The following DNM2 variants were observed in gnomAD, a reference collection of about 807,000 sequenced individuals.
DNM2 encodes the protein dynamin-2.
DNM2 carries 15 observed loss-of-function variants against 99.0 expected under a neutral mutation model. The observed-to-expected ratio is 0.15, with a 90% CI of 0.10 to 0.23. DNM2 has a LOEUF of 0.23. Ranked by LOEUF, DNM2 falls within the 10% of genes least tolerant of loss-of-function variation. DNM2 has a pLI of 1.00. For synonymous variants in DNM2, 525 were observed against 481.2 expected (o/e 1.09, Z -1.19); for missense variants, 742 against 1,189.4 (o/e 0.62, Z 5.53).
chr19:10,816,876 G>A lies in DNM2; in HGVS notation c.1672-3104G>A, dbSNP rs1184573627. On this transcript the variant is annotated intron_variant, in intron 15 of 20. Coordinates refer to ENST00000389253, the MANE Select transcript of DNM2 (RefSeq NM_001005361.3). The surrounding 1 kb of genome is among the most constrained non-coding windows in gnomAD (Gnocchi z 4.6). ...CCCTTCGTGTTTTTCTCATCTGAGAGTTGAAAGCCAGAGCCCCCGACCCTC... is the reference window on the plus strand; with the variant it reads ...CCCTTCGTGTTTTTCTCATCTGAGAATTGAAAGCCAGAGCCCCCGACCCTC... Among the ~76,000 whole-genome samples, 1 of 152,222 alleles carries A rather than the reference G, an allele frequency of 6.6e-6. No homozygotes were observed. Among genetic ancestry groups the A allele is most frequent in the Non-Finnish European group, 1.5e-5 (1 of 68,040 alleles).
intron 12 of DNM2, chr19:10,802,584 G>A (rs2072191691): frequency 1.6e-6 from 1 of 622,488 alleles, no homozygotes; most frequent in Non-Finnish European, 2.9e-6. Context: ...CCCATGGTTA[G>A]TTTAGGGAGA....
At position 10,820,530 on chromosome 19, in the gene DNM2, G is replaced by A. The variant is rs1028309171; in HGVS notation, c.1781+441G>A. ...CAGATTCTGGGTAGAAGAGTCAGGCGGAGCCCTGGTGGGCATGGATATGAG... is the reference window on the plus strand; with the variant it reads ...CAGATTCTGGGTAGAAGAGTCAGGCAGAGCCCTGGTGGGCATGGATATGAG... On this transcript the variant is annotated intron_variant, in intron 16 of 20. Coordinates refer to ENST00000389253, the MANE Select transcript of DNM2 (RefSeq NM_001005361.3). This position sits in a 1 kb window ranked among gnomAD's most constrained non-coding sequence, Gnocchi z 4.3. Among the ~76,000 whole-genome samples the A allele has an allele frequency of 6.6e-5, 10 of 152,218 alleles. 1 individual carries two copies. Among genetic ancestry groups the A allele is most frequent in the Admixed American group, 2.0e-4 (3 of 15,282 alleles).
chr19:10,830,041 C>A lies in DNM2; in HGVS notation c.2292-86C>A, dbSNP rs1014816962. The A allele has an allele frequency of 4.4e-6, 7 of 1,584,576 alleles. No individual in the cohort carries two copies. The highest frequency in any genetic ancestry group is 1.7e-5 in the Admixed American group (1 of 59,948). The stretch of plus-strand genomic sequence containing the variant: ...CTGCGCTGTCCCCATAGCCAGCCCC[C>A]ACCTCAGGTTCTGGCAGCCACAGTG... On this transcript the variant is annotated intron_variant, in intron 19 of 20. Transcript: ENST00000389253. The surrounding 1 kb of genome is among the most constrained non-coding windows in gnomAD (Gnocchi z 4.8).
At chr19:10,734,638 C>CAAAAA (rs61458566) in intron 1 of DNM2, among the ~76,000 whole-genome samples, 3 of 58,514 alleles carry the variant, frequency 5.1e-5, no homozygotes, top group Non-Finnish European at 8.8e-5. Flanking sequence ...GACCCTGTCT[C>CAAAAA]AAAAAAAAAA....
rs1459334651 is a variant in DNM2 at position 10,810,374 on chromosome 19, A to C, written c.1557+1794A>C. The C allele has an allele frequency of 5.9e-5, 9 of 152,426 alleles. No individual in the cohort carries two copies. In the East Asian group the frequency reaches 1.2e-3, roughly 20 times the overall value. 9.4% of individuals were successfully genotyped at this position (152,426 alleles called of 1,614,324 possible). On this transcript the variant is annotated intron_variant, in intron 14 of 20. Transcript: ENST00000389253. ...TGGCTGCTCCCTTTCTCTGGCTCAC[A>C]AGTGGTGGATGGCTAACGGGCCTTT...
intron 1 of DNM2, among the ~76,000 whole-genome samples, chr19:10,742,622 C>T (rs2069795334): frequency 6.6e-6 from 1 of 152,316 alleles, no homozygotes; most frequent in African/African-American, 2.4e-5. Flanking sequence ...TGAGCCTGGC[C>T]TTCCTGTCTC....
Position 10,830,460 on chromosome 19 carries a change from C to G in DNM2, c.2543+82C>G. Reference sequence around the variant, plus strand: ...CTGTCTCACTTCCTCCCAGTGAGCTCTCACTACGTGCCCAGCTGCTGGAGT... The same window carrying G: ...CTGTCTCACTTCCTCCCAGTGAGCTGTCACTACGTGCCCAGCTGCTGGAGT... On this transcript the variant is annotated intron_variant, in intron 20 of 20. Transcript: ENST00000389253. The surrounding 1 kb of genome is among the most constrained non-coding windows in gnomAD (Gnocchi z 4.8). 1.4e-6 allele frequency: 2 copies of G among 1,463,076 alleles called. No individual in the cohort carries two copies. The highest frequency in any genetic ancestry group is 1.2e-5 in the South Asian group (1 of 84,456). The allele number at this position is 1,463,076 out of a possible 1,614,324, so 90.6% of individuals were successfully genotyped here.
chr19:10,825,229 G>A lies in DNM2; in HGVS notation c.2058+8G>A, dbSNP rs954362141. ...CACCTCATGATCAACAATGTGAGTG[G>A]AGAACTAAAAATGAGAAGGAGGTAG... On this transcript the variant is annotated splice_region_variant and intron_variant, in intron 18 of 20. Coordinates refer to ENST00000389253, the MANE Select transcript of DNM2 (RefSeq NM_001005361.3). 6.2e-6 allele frequency: 10 copies of A among 1,613,832 alleles called. No individual in the cohort carries two copies. The highest frequency in any genetic ancestry group is 8.5e-6 in the Non-Finnish European group (10 of 1,179,824).
intron 6 of DNM2, among the ~76,000 whole-genome samples, chr19:10,785,120 G>A (rs2071514218): frequency 1.3e-5 from 2 of 150,376 alleles, no homozygotes; most frequent in African/African-American, 4.9e-5. Context: ...ACCCATCCCG[G>A]CCTTCCCCTC....
chr19:10,779,133 T>G (rs1336144806), intron 5 of DNM2, among the ~76,000 whole-genome samples: 1 of 151,036 alleles, frequency 6.6e-6, no homozygotes, highest in East Asian at 1.9e-4. Flanking sequence ...GAGAATCGCT[T>G]GAACCCAGGA....
At chr19:10,721,663 C>A (rs2068945824) in intron 1 of DNM2, among the ~76,000 whole-genome samples, 1 of 152,098 alleles carries the variant, frequency 6.6e-6, no homozygotes, top group African/African-American at 2.4e-5. Flanking sequence ...CCTGCCTCTG[C>A]CTCTAAAAGC....
chr19:10,760,543 A>G (rs2070585944), intron 2 of DNM2, among the ~76,000 whole-genome samples: 1 of 152,070 alleles, frequency 6.6e-6, no homozygotes, highest in Non-Finnish European at 1.5e-5. Flanking sequence ...TCTACTCAGC[A>G]TGTCGCCAGT....
intron 2 of DNM2, among the ~76,000 whole-genome samples, chr19:10,762,311 TACAGGCGTGAGCC>T (rs536841744): frequency 6.6e-6 from 1 of 152,276 alleles, no homozygotes; most frequent in African/African-American, 2.4e-5. Context: ...GTGCTGGGAT[TACAGGCGTGAGCC>T]ACTGGGCCCG....
intron 18 of DNM2, among the ~76,000 whole-genome samples, chr19:10,826,093 C>T (rs183417791): frequency 2.0e-5 from 3 of 152,212 alleles, no homozygotes; most frequent in East Asian, 1.9e-4. Flanking sequence ...AGAATCTGCA[C>T]GGCCATCCTC....
At chr19:10,748,832 G>A (rs12459943) in intron 1 of DNM2, among the ~76,000 whole-genome samples, 7,048 of 152,286 alleles carry the variant, frequency 0.046, 475 homozygotes, top group East Asian at 0.32. Context: ...TGCCCGAGAT[G>A]GGGTTAGAGA....
rs1386292715 is a variant in DNM2, at chr19:10,775,876, C to G, written c.559C>G (p.Leu187Val). 6.2e-7 allele frequency: 1 copy of G among 1,613,418 alleles called. No homozygotes were observed. Among genetic ancestry groups the G allele is most frequent in the South Asian group, 1.1e-5 (1 of 91,082 alleles). ...ANMDLANSDA[L>V]KLAKEVDPQG... ...CATGGACCTGGCCAACTCCGACGCC[C>G]TCAAGCTGGCCAAGGAAGTCGATCC... Residue 187 changes from leucine (L) to valine (V), a missense_variant, in exon 4 of 21, where the codon CTC (leucine) becomes GTC (valine). Leu to Val is a conservative substitution (Grantham distance 32). Coordinates refer to ENST00000389253, the MANE Select transcript of DNM2 (RefSeq NM_001005361.3). The surrounding 1 kb of genome is among the most constrained non-coding windows in gnomAD (Gnocchi z 4.3).
intron 1 of DNM2, among the ~76,000 whole-genome samples, chr19:10,727,841 A>G (rs2145691990): frequency 6.6e-6 from 1 of 152,308 alleles, no homozygotes; most frequent in East Asian, 1.9e-4. Context: ...CGGCTGCTGA[A>G]AAAAAGTGAG....
At position 10,795,727 on chromosome 19, in the gene DNM2, A is replaced by G; in HGVS notation, c.1196+288A>G. On this transcript the variant is annotated intron_variant, in intron 9 of 20. Transcript: ENST00000389253. This position sits in a 1 kb window ranked among gnomAD's most constrained non-coding sequence, Gnocchi z 4.2. ...GTGTGAACCTCATGCTAAACTAAGAATGCTCACTGCAGATTTGCCTGGGGA... is the reference window on the plus strand; with the variant it reads ...GTGTGAACCTCATGCTAAACTAAGAGTGCTCACTGCAGATTTGCCTGGGGA... 1 of 578,076 alleles carries G rather than the reference A, an allele frequency of 1.7e-6. No individual in the cohort carries two copies. Among genetic ancestry groups the G allele is most frequent in the African/African-American group, 1.9e-5 (1 of 53,558 alleles). The allele number at this position is 578,076 out of a possible 1,614,324, so 35.8% of individuals were successfully genotyped here. A position where few individuals can be genotyped will look rare whatever the true frequency, so the allele number is the denominator to read the frequency against.
rs1005834546 is a variant in DNM2, at chr19:10,765,523, G to A, written c.235+5712G>A. Reference sequence around the variant, plus strand: ...TGTATCTAGAGAGCAGACCAAGCTGGCGTGCGTCAGGCTGTGGGCTGGCTG... The same window carrying A: ...TGTATCTAGAGAGCAGACCAAGCTGACGTGCGTCAGGCTGTGGGCTGGCTG... On this transcript the variant is annotated intron_variant, in intron 2 of 20. Coordinates refer to ENST00000389253, the MANE Select transcript of DNM2 (RefSeq NM_001005361.3). The surrounding 1 kb of genome is among the most constrained non-coding windows in gnomAD (Gnocchi z 4.4). Among the ~76,000 whole-genome samples, 1 of 152,220 alleles carries A rather than the reference G, an allele frequency of 6.6e-6. No homozygotes were observed. Among genetic ancestry groups the A allele is most frequent in the African/African-American group, 2.4e-5 (1 of 41,452 alleles).
Sources: allele counts gnomAD v4.1 joint callset (sites outside exome capture counted in the v4.1 genomes callset), GRCh38; gene constraint gnomAD v4.1.1; non-coding constraint Gnocchi (gnomAD v3.1); transcripts MANE v1.5; gene names NCBI Gene and HGNC (gene_info 2026-07-23, HGNC 2026-07-21).